Variants in EVI5 observed in about 807,000 individuals in gnomAD.
The protein encoded by EVI5 is ecotropic viral integration site 5 protein homolog.
Under a neutral mutation model 112.0 loss-of-function variants are expected in EVI5, and 73 were observed. That is an observed-to-expected ratio of 0.65 (90% confidence interval 0.54 to 0.79). EVI5 has a LOEUF of 0.79. Ranked by LOEUF, EVI5 falls within the 30% of genes least tolerant of loss-of-function variation. The pLI, the probability that EVI5 is intolerant of heterozygous loss-of-function variation, is 0.00. For missense variants in EVI5, 900 were observed against 968.8 expected (o/e 0.93, Z 0.94); for synonymous variants, 305 against 319.9 (o/e 0.95, Z 0.50).
intron 18 of EVI5, among the ~76,000 whole-genome samples, chr1:92,591,850 T>A (rs575459965): frequency 6.6e-6 from 1 of 152,172 alleles, no homozygotes; most frequent in Non-Finnish European, 1.5e-5. Flanking sequence ...ATTGACCATA[T>A]AGTTGGAAGT....
At chr1:92,714,095 A>G (rs1673251387) in intron 2 of EVI5, 1 of 980,170 alleles carries the variant, frequency 1.0e-6, no homozygotes, top group Non-Finnish European at 1.2e-6. Flanking sequence ...TCCGATTTCA[A>G]CTTTAAAGCT....
intron 9 of EVI5, 140 bp from the exon 10 acceptor site, chr1:92,677,358 G>A (rs959567855): frequency 4.0e-6 from 2 of 500,256 alleles, no homozygotes; most frequent in Non-Finnish European, 6.9e-6. Context: ...GATATTTGAT[G>A]TGAGAAAAAT....
intron 1 of EVI5, among the ~76,000 whole-genome samples, chr1:92,767,493 G>A (rs1343718753): frequency 3.3e-5 from 5 of 152,140 alleles, no homozygotes; most frequent in African/African-American, 1.2e-4. Context: ...TACTATATAC[G>A]TAAAAGAAAA....
intron 15 of EVI5, 65 bp downstream of exon 15, chr1:92,625,729 T>A (rs528645861): frequency 5.2e-5 from 76 of 1,456,548 alleles, no homozygotes; most frequent in Non-Finnish European, 7.0e-5. Flanking sequence ...TACTTCAAAC[T>A]CTTACAAATT....
chr1:92,519,018 G>C (rs1409726923), intron 19 of EVI5, among the ~76,000 whole-genome samples: 7 of 152,148 alleles, frequency 4.6e-5, no homozygotes, highest in African/African-American at 1.7e-4. Context: ...GGCTAAGTAA[G>C]AGTTAAGACC....
intron 1 of EVI5, among the ~76,000 whole-genome samples, chr1:92,783,252 G>A (rs1469522125): frequency 6.6e-6 from 1 of 151,988 alleles, no homozygotes; most frequent in African/African-American, 2.4e-5. Context: ...TGGGCCAGGT[G>A]CGCTGGCTCA....
In EVI5 at chr1:92,764,110, C is replaced by A. The variant is rs1324409824; in HGVS notation, c.-82+20726G>T. ...CCAGTAGTATGAGTTTGTGTTTTAG[C>A]TGCAAATACATATTTATATTCACTG... is the stretch of plus-strand genomic sequence containing the variant. On this transcript the variant is annotated intron_variant, in intron 1 of 19. Transcript: ENST00000684568. Among the ~76,000 whole-genome samples the A allele has an allele frequency of 2.0e-5, 3 of 152,248 alleles. 1 individual carries two copies. The highest frequency in any genetic ancestry group is 4.8e-5 in the African/African-American group (2 of 41,560).
chr1:92,648,190 CAAAAAAAAAAAAA>C (rs961901260), intron 13 of EVI5, among the ~76,000 whole-genome samples: 1 of 24,068 alleles, frequency 4.2e-5, no homozygotes, highest in Non-Finnish European at 7.5e-5. Flanking sequence ...ACTAAAAATA[CAAAAAAAAAAAAA>C]AAAAAAAAAA....
At chr1:92,773,205 A>T (rs930932168) in intron 1 of EVI5, among the ~76,000 whole-genome samples, 2 of 151,764 alleles carry the variant, frequency 1.3e-5, no homozygotes, top group African/African-American at 4.8e-5. Context: ...CTCAAAAAAA[A>T]AAAAAAAAAC....
intron 19 of EVI5, among the ~76,000 whole-genome samples, chr1:92,526,201 G>T (rs1270217165): frequency 1.1e-4 from 16 of 152,208 alleles, no homozygotes; most frequent in Non-Finnish European, 2.2e-4. Context: ...TGAGATCACA[G>T]ACATGTGCCA....
chr1:92,532,598 G>C (rs1663063967), intron 19 of EVI5, among the ~76,000 whole-genome samples: 1 of 152,192 alleles, frequency 6.6e-6, no homozygotes, highest in South Asian at 2.1e-4. Flanking sequence ...TCAGACCACA[G>C]TGCAATCAAA....
At chr1:92,769,923 C>A (rs145746220) in intron 1 of EVI5, among the ~76,000 whole-genome samples, 278 of 152,122 alleles carry the variant, frequency 1.8e-3, no homozygotes, top group African/African-American at 6.4e-3. Context: ...GGGAGGTTAT[C>A]TTGAATTATC....
At chr1:92,667,654 C>T (rs1250640586) in intron 10 of EVI5, among the ~76,000 whole-genome samples, 1 of 152,136 alleles carries the variant, frequency 6.6e-6, no homozygotes, top group Non-Finnish European at 1.5e-5. Flanking sequence ...CCCACTCTGT[C>T]GCCCAGGCTG....
At position 92,677,332 on chromosome 1, in the gene EVI5, T is replaced by C; in HGVS notation, c.1098-114A>G. On this transcript the variant is annotated intron_variant, in intron 9 of 19. Coordinates refer to ENST00000684568, the MANE Select transcript of EVI5 (RefSeq NM_001350197.2). The stretch of plus-strand genomic sequence containing the variant: ...AAAATACAATTTCTTTAGTTTCTTC[T>C]AGCTTATAACTTGGAGATATTTGAT... 3.5e-6 allele frequency: 2 copies of C among 564,500 alleles called. 1 individual carries two copies. Among genetic ancestry groups the C allele is most frequent in the South Asian group, 5.5e-5 (2 of 36,224 alleles). 35.0% of individuals were successfully genotyped at this position (564,500 alleles called of 1,614,324 possible).
At chr1:92,753,539 T>C (rs547403016) in intron 1 of EVI5, among the ~76,000 whole-genome samples, 164 of 152,358 alleles carry the variant, frequency 1.1e-3, no homozygotes, top group African/African-American at 3.6e-3. Context: ...AAATTATTAG[T>C]GTAATATTTT....
chr1:92,671,408 T>A (rs1665858798), intron 10 of EVI5, among the ~76,000 whole-genome samples: 1 of 152,196 alleles, frequency 6.6e-6, no homozygotes, highest in Non-Finnish European at 1.5e-5. Flanking sequence ...CAGGCTCAAT[T>A]CTTGAATTCT....
At chr1:92,593,751 T>C (rs993066569) in intron 18 of EVI5, among the ~76,000 whole-genome samples, 1 of 152,068 alleles carries the variant, frequency 6.6e-6, no homozygotes, top group Admixed American at 6.6e-5. Context: ...TGTACAAAAA[T>C]CACAAGCATT....
chr1:92,590,123 A>C (rs1027446288), intron 18 of EVI5, among the ~76,000 whole-genome samples: 2 of 152,232 alleles, frequency 1.3e-5, no homozygotes, highest in African/African-American at 2.4e-5. Flanking sequence ...GTACGTCACC[A>C]TCATCGAAGA....
chr1:92,550,815 A>ATATATATAG (rs1557766729), intron 19 of EVI5, among the ~76,000 whole-genome samples: 1 of 90,256 alleles, frequency 1.1e-5, no homozygotes, highest in African/African-American at 4.5e-5. Flanking sequence ...TATATATATA[A>ATATATATAG]CAAAAAAAAC....
Sources: gnomAD v4.1 joint callset for allele counts (sites outside exome capture counted in the v4.1 genomes callset) on GRCh38, gnomAD v4.1.1 for gene constraint, MANE v1.5 for transcripts, NCBI Gene and HGNC (gene_info 2026-07-23, HGNC 2026-07-21) for gene names.